Variants in RPS6KC1 observed in about 807,000 individuals in gnomAD.
The protein encoded by RPS6KC1 is inactive ribosomal protein S6 kinase delta-1.
RPS6KC1 carries 54 observed loss-of-function variants against 103.8 expected under a neutral mutation model. That is an observed-to-expected ratio of 0.52 (90% CI 0.42 to 0.65). The LOEUF (loss-of-function observed/expected upper bound fraction) is 0.65, where lower values mean the gene tolerates loss of function less well. Ranked by LOEUF, RPS6KC1 falls within the 30% of genes least tolerant of loss-of-function variation. The pLI, the probability that RPS6KC1 is intolerant of heterozygous loss-of-function variation, is 0.00. For missense variants in RPS6KC1, 1,151 were observed against 1,253.8 expected, an observed-to-expected ratio of 0.92 and a Z score of 1.24; for synonymous variants, 439 against 438.7, an observed-to-expected ratio of 1.00 and a Z score of -0.01.
chr1:213,069,917 A>G (rs945838117), intron 1 of RPS6KC1, among the ~76,000 whole-genome samples: 2 of 152,174 alleles, frequency 1.3e-5, no homozygotes, highest in African/African-American at 4.8e-5. Flanking sequence ...AGCCTTTTCA[A>G]AAGTTTTGTG....
the RPS6KC1 span, among the ~76,000 whole-genome samples, chr1:213,640,872 A>G: frequency 2.0e-5 from 3 of 147,426 alleles, no homozygotes; most frequent in Non-Finnish European, 3.0e-5. Flanking sequence ...GTTTTTATTA[A>G]TAATTTTATC....
At chr1:213,461,850 A>T in the RPS6KC1 span, among the ~76,000 whole-genome samples, 1 of 152,246 alleles carries the variant, frequency 6.6e-6, no homozygotes, top group Non-Finnish European at 1.5e-5. Context: ...CATTCAGGAC[A>T]TAGGCATGGG....
chr1:213,399,601 T>C, the RPS6KC1 span, among the ~76,000 whole-genome samples: 1 of 152,156 alleles, frequency 6.6e-6, no homozygotes, highest in Non-Finnish European at 1.5e-5. Context: ...TTAAAAGATA[T>C]CCAGACCTCG....
At chr1:213,404,200 G>T in the RPS6KC1 span, among the ~76,000 whole-genome samples, 2 of 152,180 alleles carry the variant, frequency 1.3e-5, no homozygotes, top group Non-Finnish European at 2.9e-5. Flanking sequence ...TGTCAGTCAG[G>T]TATTGGCCGT....
At chr1:213,783,245 G>T in the RPS6KC1 span, among the ~76,000 whole-genome samples, 1 of 152,182 alleles carries the variant, frequency 6.6e-6, no homozygotes, top group Non-Finnish European at 1.5e-5. Context: ...GATGCACAAA[G>T]CTGGCTCTAT....
the RPS6KC1 span, among the ~76,000 whole-genome samples, chr1:213,663,807 A>G: frequency 6.6e-6 from 1 of 152,068 alleles, no homozygotes; most frequent in Non-Finnish European, 1.5e-5. Context: ...CAGCCACCAG[A>G]CAGAAGCCAT....
rs538466552 is a variant in RPS6KC1 at position 213,163,634 on chromosome 1, G to A, written c.836-4224G>A. 2.6e-5 allele frequency among the ~76,000 whole-genome samples: 4 copies of A among 151,878 alleles called. No individual in the cohort carries two copies. The East Asian group carries it at 7.7e-4, about 29-fold the overall frequency. ...AGAACCGTTTTTTATTCTAGGTTGC[G>A]AAACTGAATTTTATTAGTTCCATGA... On this transcript the variant is annotated intron_variant, in intron 6 of 14. Coordinates refer to ENST00000366960, the MANE Select transcript of RPS6KC1 (RefSeq NM_012424.6).
intron 8 of RPS6KC1, among the ~76,000 whole-genome samples, chr1:213,220,329 G>T (rs2093799463): frequency 6.6e-6 from 1 of 152,066 alleles, no homozygotes; most frequent in Non-Finnish European, 1.5e-5. Context: ...TGCATCTGTT[G>T]CCATTTTATG....
the RPS6KC1 span, among the ~76,000 whole-genome samples, chr1:213,498,994 G>A: frequency 1.3e-5 from 2 of 149,210 alleles, no homozygotes; most frequent in Admixed American, 1.3e-4. Context: ...TGTCCAGGCC[G>A]GTCTCGAACT....
At chr1:213,103,541 G>C (rs2082201423) in intron 3 of RPS6KC1, among the ~76,000 whole-genome samples, 1 of 152,080 alleles carries the variant, frequency 6.6e-6, no homozygotes. Context: ...TTCACCATAA[G>C]CATGAGACAC....
chr1:213,629,284 A>G, the RPS6KC1 span, among the ~76,000 whole-genome samples: 1 of 151,960 alleles, frequency 6.6e-6, no homozygotes, highest in Admixed American at 6.6e-5. Context: ...GGGTGCATAT[A>G]TATTTAGGAT....
At chr1:213,817,691 C>G in the RPS6KC1 span, 1 of 152,204 alleles carries the variant, frequency 6.6e-6, no homozygotes, top group Non-Finnish European at 1.5e-5. Context: ...TCAGGCAGAT[C>G]AAACTCCCTG....
At chr1:213,587,183 G>A in the RPS6KC1 span, among the ~76,000 whole-genome samples, 3 of 152,202 alleles carry the variant, frequency 2.0e-5, no homozygotes, top group Non-Finnish European at 4.4e-5. Flanking sequence ...TGGAAGTTGG[G>A]TGAGGAACAG....
the RPS6KC1 span, among the ~76,000 whole-genome samples, chr1:213,653,209 A>C: frequency 6.6e-6 from 1 of 152,202 alleles, no homozygotes; most frequent in African/African-American, 2.4e-5. Context: ...CTGCAATCCC[A>C]CCACTTTGGG....
chr1:213,508,401 A>G, the RPS6KC1 span, among the ~76,000 whole-genome samples: 1 of 152,232 alleles, frequency 6.6e-6, no homozygotes, highest in Admixed American at 6.5e-5. Context: ...CCCCAGAAAG[A>G]GCATCTTGAA....
At chr1:213,729,317 A>G in the RPS6KC1 span, among the ~76,000 whole-genome samples, 1 of 152,058 alleles carries the variant, frequency 6.6e-6, no homozygotes, top group Non-Finnish European at 1.5e-5. Flanking sequence ...AACCCAGAAC[A>G]AGCATCTCTA....
chr1:213,059,135 T>C (rs894828892), intron 1 of RPS6KC1, among the ~76,000 whole-genome samples: 2 of 152,254 alleles, frequency 1.3e-5, no homozygotes, highest in African/African-American at 4.8e-5. Flanking sequence ...ACTTTAAGTT[T>C]TAGGGTACAT....
chr1:213,713,359 T>G, the RPS6KC1 span, among the ~76,000 whole-genome samples: 1 of 152,214 alleles, frequency 6.6e-6, no homozygotes, highest in Non-Finnish European at 1.5e-5. Context: ...TACTTCTGCT[T>G]TGTGATCTCG....
the RPS6KC1 span, among the ~76,000 whole-genome samples, chr1:213,447,014 A>G: frequency 6.6e-6 from 1 of 152,192 alleles, no homozygotes; most frequent in African/African-American, 2.4e-5. Flanking sequence ...ATAAGTGAAA[A>G]GAAAGTCCTT....
Sources: gnomAD v4.1 joint callset for allele counts (sites outside exome capture counted in the v4.1 genomes callset) on GRCh38, gnomAD v4.1.1 for gene constraint, MANE v1.5 for transcripts, NCBI Gene and HGNC (gene_info 2026-07-23, HGNC 2026-07-21) for gene names.